The following OR8K3 variants were observed in gnomAD, a reference collection of about 807,000 sequenced individuals.
The protein encoded by OR8K3 is olfactory receptor 8K3.
For missense variants in OR8K3, 448 were observed against 367.4 expected, an observed-to-expected ratio of 1.22 and a Z score of -1.79; for synonymous variants, 167 against 138.8, an observed-to-expected ratio of 1.20 and a Z score of -1.43.
Position 56,319,421 on chromosome 11 carries a change from G to T in OR8K3, c.*176G>T. The stretch of plus-strand genomic sequence containing the variant: ...AATAAACAAAATAGTAGAAATCTTT[G>T]CCTTCCTTGATGGATAGATGAATTG... On this transcript the variant is annotated 3_prime_UTR_variant, in exon 3 of 3. Coordinates refer to ENST00000641662, the MANE Select transcript of OR8K3 (RefSeq NM_001005202.2). 1.7e-6 allele frequency: 1 copy of T among 572,544 alleles called. No homozygotes were observed. Among genetic ancestry groups the T allele is most frequent in the Non-Finnish European group, 3.1e-6 (1 of 323,192 alleles). The allele number at this position is 572,544 out of a possible 1,614,324, so 35.5% of individuals were successfully genotyped here.
chr11:56,319,004 G>A lies in OR8K3; in HGVS notation c.698G>A (p.Arg233Lys). Residue 233 changes from arginine to lysine, a missense_variant, in exon 3 of 3, where the codon AGA becomes AAA. Coordinates refer to ENST00000641662, the MANE Select transcript of OR8K3 (RefSeq NM_001005202.2). ...ATTCTCAGGATGAATTCTGCTGGCA[G>A]ACAAAAGGCTTTTTCTACCTGTGGA... ...VAILRMNSAG[R>K]QKAFSTCGAH... The A allele has an allele frequency of 1.9e-6, 3 of 1,614,146 alleles. No individual in the cohort carries two copies. The highest frequency in any genetic ancestry group is 2.7e-5 in the African/African-American group (2 of 75,050).
At chr11:56,315,940 C>T (rs1404726851) in intron 1 of OR8K3, 60 bp from the exon 2 acceptor site, 2 of 151,784 alleles carry the variant, frequency 1.3e-5, no homozygotes, top group African/African-American at 4.8e-5. Context: ...TTAAAAAATG[C>T]AATTGATATT....
chr11:56,318,562 G>A lies in OR8K3; in HGVS notation c.256G>A (p.Val86Ile), dbSNP rs147743683. ...GGGACCCAAAATGTTAGTAAATTTT[G>A]TTGTGGATAAGAATATAATTTCTTA... Reference protein sequence around the residue: ...TVGPKMLVNFVVDKNIISYYF... With the variant: ...TVGPKMLVNFIVDKNIISYYF... The change falls in exon 3 of 3, where the codon GTT becomes ATT. Residue 86 changes from valine (V) to isoleucine (I), a missense_variant. Transcript: ENST00000641662. The A allele has an allele frequency of 5.6e-4, 897 of 1,613,210 alleles. 3 individuals are homozygous for A. In the African/African-American group the frequency reaches 7.4e-3, roughly 13 times the overall value.
Position 56,318,987 on chromosome 11 carries a change from G to A in OR8K3, c.681G>A (p.Arg227=), listed in dbSNP as rs939197800. ...TGCTCATCCTTGTAGCCATTCTCAG[G>A]ATGAATTCTGCTGGCAGACAAAAGG... is the stretch of plus-strand genomic sequence containing the variant. ...SYLLILVAIL[R]MNSAGRQKAF... The change falls in exon 3 of 3, where the codon AGG becomes AGA. Residue 227 remains arginine, a synonymous_variant. Coordinates refer to ENST00000641662, the MANE Select transcript of OR8K3 (RefSeq NM_001005202.2). 2.2e-5 allele frequency: 36 copies of A among 1,613,948 alleles called. No homozygotes were observed. The highest frequency in any genetic ancestry group is 3.1e-5 in the Non-Finnish European group (36 of 1,180,010).
rs1249072554 is a variant in OR8K3, at chr11:56,318,614, T to C, written c.308T>C (p.Phe103Ser). The stretch of plus-strand genomic sequence containing the variant: ...TATTTTTGTGCAACACAGCTAGCTT[T>C]CTTTCTTGTGTTCATTGGTAGTGAA... ...SYYFCATQLA[F>S]FLVFIGSELF... The change falls in exon 3 of 3, where the codon TTC becomes TCC. Residue 103 changes from phenylalanine to serine, a missense_variant. Transcript: ENST00000641662. 2 of 1,613,806 alleles carry C rather than the reference T, an allele frequency of 1.2e-6. No individual in the cohort carries two copies. Among genetic ancestry groups the C allele is most frequent in the African/African-American group, 1.3e-5 (1 of 74,918 alleles).
chr11:56,319,416 T>C lies in OR8K3; in HGVS notation c.*171T>C. ...AGATTAATAAACAAAATAGTAGAAA[T>C]CTTTGCCTTCCTTGATGGATAGATG... On this transcript the variant is annotated 3_prime_UTR_variant, in exon 3 of 3. Transcript: ENST00000641662. The C allele has an allele frequency of 1.7e-6, 1 of 576,520 alleles. No individual in the cohort carries two copies. The highest frequency in any genetic ancestry group is 3.1e-6 in the Non-Finnish European group (1 of 325,650). 35.7% of individuals were successfully genotyped at this position (576,520 alleles called of 1,614,324 possible).
Position 56,319,091 on chromosome 11 carries a change from A to C in OR8K3, c.785A>C (p.Lys262Thr). The C allele has an allele frequency of 6.2e-7, 1 of 1,614,120 alleles. No homozygotes were observed. Among genetic ancestry groups the C allele is most frequent in the Non-Finnish European group, 8.5e-7 (1 of 1,179,996 alleles). ...TTGCTTTTCATGTACGTGCAGCCCA[A>C]GTCCAGTCATTCCTTTGACACTGAT... ...GTLLFMYVQP[K>T]SSHSFDTDKV... The change falls in exon 3 of 3, where the codon AAG (lysine) becomes ACG (threonine). Residue 262 changes from lysine to threonine, a missense_variant. Lys to Thr is a moderately conservative substitution (Grantham distance 78, BLOSUM62 -1). Transcript: ENST00000641662.
At chr11:56,316,645 A>G (rs959905923) in intron 2 of OR8K3, among the ~76,000 whole-genome samples, 9 of 151,972 alleles carry the variant, frequency 5.9e-5, no homozygotes, top group Admixed American at 3.3e-4. Flanking sequence ...ATCCACGTAT[A>G]TCTCATGTTT....
In OR8K3 at chr11:56,319,455, A is replaced by G. The variant is rs757636634; in HGVS notation, c.*210A>G. 1.3e-5 allele frequency: 7 copies of G among 543,194 alleles called. No homozygotes were observed. The highest frequency in any genetic ancestry group is 3.8e-5 in the African/African-American group (2 of 53,160). 33.6% of individuals were successfully genotyped at this position (543,194 alleles called of 1,614,324 possible). On this transcript the variant is annotated 3_prime_UTR_variant, in exon 3 of 3. Coordinates refer to ENST00000641662, the MANE Select transcript of OR8K3 (RefSeq NM_001005202.2). ...GATGGATAGATGAATTGTATTCACA[A>G]TAAGTCCATTTTATATAACAGTAGA...
chr11:56,317,209 TAAC>T (rs1423790423), intron 2 of OR8K3, among the ~76,000 whole-genome samples: 5 of 151,992 alleles, frequency 3.3e-5, no homozygotes, highest in Admixed American at 6.6e-5. Flanking sequence ...TTAAAACAAA[TAAC>T]AAGAAGAAGA....
rs1157183912 is a variant in OR8K3 at position 56,318,179 on chromosome 11, C to T, written c.-23-105C>T. The stretch of plus-strand genomic sequence containing the variant: ...TTGTGAGAGGTATGTTTTCAAATGT[C>T]GCAAATTGTGAAATTTAGGTATATC... On this transcript the variant is annotated intron_variant, in intron 2 of 2. Transcript: ENST00000641662. 11 of 579,724 alleles carry T rather than the reference C, an allele frequency of 1.9e-5. No individual in the cohort carries two copies. The East Asian group carries it at 2.8e-4, about 14-fold the overall frequency. 35.9% of individuals were successfully genotyped at this position (579,724 alleles called of 1,614,324 possible).
chr11:56,319,271 A>G lies in OR8K3; in HGVS notation c.*26A>G. The G allele has an allele frequency of 1.5e-6, 2 of 1,349,010 alleles. No individual in the cohort carries two copies. The highest frequency in any genetic ancestry group is 2.1e-6 in the Non-Finnish European group (2 of 958,374). 83.6% of individuals were successfully genotyped at this position (1,349,010 alleles called of 1,614,324 possible). ...ATTTTGTACAATATGATTCCTATAA[A>G]TTAGGTTATGGGCATGAATTTTTGC... On this transcript the variant is annotated 3_prime_UTR_variant, in exon 3 of 3. Transcript: ENST00000641662.
At chr11:56,316,321 T>C (rs1854442684) in intron 2 of OR8K3, among the ~76,000 whole-genome samples, 1 of 151,932 alleles carries the variant, frequency 6.6e-6, no homozygotes, top group African/African-American at 2.4e-5. Context: ...TGTAACACAA[T>C]TGCTTGTCTT....
chr11:56,318,690 C>A lies in OR8K3; in HGVS notation c.384C>A (p.Asn128Lys). The change falls in exon 3 of 3, where the codon AAC becomes AAA. Residue 128 changes from asparagine to lysine, a missense_variant. Coordinates refer to ENST00000641662, the MANE Select transcript of OR8K3 (RefSeq NM_001005202.2). ...ACGACCTCTATGTGGCCATCTGTAA[C>A]CCTCTGCTATACACAGTAATCATGT... Reference protein sequence around the residue: ...MSYDLYVAICNPLLYTVIMSR... With the variant: ...MSYDLYVAICKPLLYTVIMSR... The A allele has an allele frequency of 1.9e-6, 3 of 1,613,902 alleles. No homozygotes were observed. Among genetic ancestry groups the A allele is most frequent in the Non-Finnish European group, 2.5e-6 (3 of 1,179,876 alleles).
rs535403504 is a variant in OR8K3 at position 56,318,508 on chromosome 11, T to C, written c.202T>C (p.Phe68Leu). The C allele has an allele frequency of 5.0e-6, 8 of 1,614,080 alleles. No individual in the cohort carries two copies. The South Asian group carries it at 8.8e-5, about 18-fold the overall frequency. Residue 68 changes from phenylalanine to leucine, a missense_variant, in exon 3 of 3, where the codon TTC (phenylalanine) becomes CTC (leucine). Phe to Leu is a conservative substitution (Grantham distance 22, BLOSUM62 0). Transcript: ENST00000641662. ...GTACTTTTTTCTCAGACATCTGGCT[T>C]TCATGGATCTTGGTTATTCAACAAC... ...PMYFFLRHLA[F>L]MDLGYSTTVG...
At position 56,318,813 on chromosome 11, in the gene OR8K3, T is replaced by TAG. The variant is rs1172124587; in HGVS notation, c.507_508insAG (p.Gly170ArgfsTer29). ...TAAAGATTTTTACTTTATCCTTCTG[T>TAG]GGCTACAACGTCATTAGTCATTTCT... On this transcript the variant is annotated frameshift_variant, in exon 3 of 3. Coordinates refer to ENST00000641662, the MANE Select transcript of OR8K3 (RefSeq NM_001005202.2). LOFTEE classifies it low-confidence loss of function (END_TRUNC). The TAG allele has an allele frequency of 4.1e-5, 66 of 1,614,018 alleles. No individual in the cohort carries two copies. Among genetic ancestry groups the TAG allele is most frequent in the Non-Finnish European group, 5.4e-5 (64 of 1,179,982 alleles).
Position 56,319,167 on chromosome 11 carries a change from G to A in OR8K3, c.861G>A (p.Leu287=), listed in dbSNP as rs1187411521. 6.2e-7 allele frequency: 1 copy of A among 1,613,154 alleles called. No homozygotes were observed. Among genetic ancestry groups the A allele is most frequent in the South Asian group, 1.1e-5 (1 of 91,074 alleles). ...YTLVIPMLNP[L]IYSLRNKDVK... is the part of the protein sequence containing the mutation. ...TGGTTATCCCCATGTTGAATCCCTT[G>A]ATCTATAGTTTACGAAACAAAGATG... The change falls in exon 3 of 3, where the codon TTG becomes TTA. Residue 287 remains leucine (L), a synonymous_variant. Coordinates refer to ENST00000641662, the MANE Select transcript of OR8K3 (RefSeq NM_001005202.2).
At chr11:56,315,487 C>T (rs1854430869) in intron 1 of OR8K3, among the ~76,000 whole-genome samples, 1 of 151,966 alleles carries the variant, frequency 6.6e-6, no homozygotes, top group Admixed American at 6.6e-5. Flanking sequence ...GAGGCCAAAA[C>T]TTGGAGAAAA....
chr11:56,317,516 C>T (rs17150310), intron 2 of OR8K3, among the ~76,000 whole-genome samples: 4,582 of 152,070 alleles, frequency 0.03, 218 homozygotes, highest in African/African-American at 0.11. Context: ...ACTCATATGC[C>T]TAATATCTGT....
Sources: gnomAD v4.1 joint callset for allele counts (sites outside exome capture counted in the v4.1 genomes callset) on GRCh38, gnomAD v4.1.1 for gene constraint, MANE v1.5 for transcripts, NCBI Gene and HGNC (gene_info 2026-07-23, HGNC 2026-07-21) for gene names.